GAP43: variants seen among roughly 807,000 people sequenced by gnomAD.
GAP43 encodes the protein neuromodulin.
A neutral mutation model predicts 18.6 loss-of-function variants in GAP43; 6 were observed. The observed-to-expected ratio is 0.32, with a 90% confidence interval of 0.18 to 0.64. GAP43 has a LOEUF of 0.64. Ranked by LOEUF, GAP43 falls within the 30% of genes least tolerant of loss-of-function variation. GAP43 has a pLI of 0.78. For synonymous variants in GAP43, 115 were observed against 111.4 expected (o/e 1.03, Z -0.20); for missense variants, 292 against 295.5 (o/e 0.99, Z 0.09).
At chr3:115,709,042 T>A (rs947930849) in intron 2 of GAP43, among the ~76,000 whole-genome samples, 7 of 149,360 alleles carry the variant, frequency 4.7e-5, no homozygotes, top group African/African-American at 1.7e-4. Context: ...CTGAAAAATC[T>A]TAAATGCTAG....
Position 115,694,971 on chromosome 3 carries a change from T to C in GAP43, c.628+18361T>C, listed in dbSNP as rs1709166160. 1.3e-5 allele frequency among the ~76,000 whole-genome samples: 2 copies of C among 152,326 alleles called. 1 individual carries two copies. The highest frequency in any genetic ancestry group is 4.1e-4 in the South Asian group (2 of 4,830). On this transcript the variant is annotated intron_variant, in intron 2 of 2. Coordinates refer to ENST00000305124, the MANE Select transcript of GAP43 (RefSeq NM_002045.4). ...TCATTATACAAATGCGACTTTTTAT[T>C]GTAGTGCAGAAGTGTTAGTTGATAA...
intron 1 of GAP43, among the ~76,000 whole-genome samples, chr3:115,669,289 T>C (rs2107485644): frequency 6.6e-6 from 1 of 152,350 alleles, no homozygotes; most frequent in Admixed American, 6.5e-5. Flanking sequence ...ATACCTGTTG[T>C]AGTTAGATGC....
intron 2 of GAP43, among the ~76,000 whole-genome samples, chr3:115,704,731 C>G (rs550753895): frequency 6.6e-6 from 1 of 152,216 alleles, no homozygotes; most frequent in East Asian, 1.9e-4. Flanking sequence ...GCAGATTTTA[C>G]TCATTCCCCA....
At chr3:115,633,702 T>A (rs1708293064) in intron 1 of GAP43, among the ~76,000 whole-genome samples, 1 of 152,178 alleles carries the variant, frequency 6.6e-6, no homozygotes, top group Admixed American at 6.5e-5. Context: ...TGACAGACAC[T>A]GGGTTTTCAC....
At chr3:115,705,436 T>C (rs1709347961) in intron 2 of GAP43, among the ~76,000 whole-genome samples, 1 of 152,200 alleles carries the variant, frequency 6.6e-6, no homozygotes, top group African/African-American at 2.4e-5. Flanking sequence ...GAATATTAAC[T>C]CATCATATAT....
intron 2 of GAP43, among the ~76,000 whole-genome samples, chr3:115,698,316 A>AATATATATATATATT (rs200763438): frequency 1.0e-5 from 1 of 95,242 alleles, no homozygotes; most frequent in Non-Finnish European, 1.9e-5. Flanking sequence ...AAATATATAT[A>AATATATATATATATT]ATATATATAT....
chr3:115,636,786 GT>G (rs1236971794), intron 1 of GAP43, among the ~76,000 whole-genome samples: 1 of 151,926 alleles, frequency 6.6e-6, no homozygotes, highest in Non-Finnish European at 1.5e-5. Flanking sequence ...TTATCTCCTA[GT>G]GGCTCTGGCA....
chr3:115,665,642 C>T (rs1246630563), intron 1 of GAP43, among the ~76,000 whole-genome samples: 5 of 152,174 alleles, frequency 3.3e-5, no homozygotes, highest in Non-Finnish European at 7.3e-5. Flanking sequence ...TAAATTCCTT[C>T]TCCCACCAAC....
At chr3:115,639,028 ATTAAAT>A (rs1453755894) in intron 1 of GAP43, among the ~76,000 whole-genome samples, 2 of 152,068 alleles carry the variant, frequency 1.3e-5, no homozygotes, top group Non-Finnish European at 2.9e-5. Context: ...ATGGTTTCTC[ATTAAAT>A]TTGAGTTGAA....
At chr3:115,627,042 C>CTTT (rs36058685) in intron 1 of GAP43, among the ~76,000 whole-genome samples, 1 of 129,238 alleles carries the variant, frequency 7.7e-6, no homozygotes, top group Admixed American at 7.9e-5. Flanking sequence ...GCTTCTCGTT[C>CTTT]TTTTTTTTTT....
At chr3:115,698,147 A>C (rs962547200) in intron 2 of GAP43, among the ~76,000 whole-genome samples, 285 of 9,708 alleles carry the variant, frequency 0.029, 8 homozygotes, top group Middle Eastern at 0.5. Flanking sequence ...TATAATATAT[A>C]TTATATATAA....
chr3:115,670,804 T>A (rs1430219357), intron 1 of GAP43, among the ~76,000 whole-genome samples: 1 of 152,208 alleles, frequency 6.6e-6, no homozygotes, highest in African/African-American at 2.4e-5. Flanking sequence ...GCATGAAAAC[T>A]ACAACATATT....
intron 2 of GAP43, among the ~76,000 whole-genome samples, chr3:115,679,365 T>TG (rs1708931453): frequency 6.6e-6 from 1 of 152,204 alleles, no homozygotes; most frequent in Non-Finnish European, 1.5e-5. Flanking sequence ...CTGTTTGTTA[T>TG]GGGGGGATGT....
Position 115,716,510 on chromosome 3 carries a change from T to C in GAP43, c.629-4284T>C, listed in dbSNP as rs79756819. On this transcript the variant is annotated intron_variant, in intron 2 of 2. Transcript: ENST00000305124. ...TTAGTTTATCTCACTTTGGAAGCTG[T>C]AATAGATTGTTTCTTTACATTGTTT... Among the ~76,000 whole-genome samples, 643 of 151,768 alleles carry C rather than the reference T, an allele frequency of 4.2e-3. 11 individuals carry two copies. The highest frequency in any genetic ancestry group is 0.039 in the East Asian group (201 of 5,136).
intron 1 of GAP43, among the ~76,000 whole-genome samples, chr3:115,657,427 G>A (rs1378980990): frequency 6.6e-6 from 1 of 152,152 alleles, no homozygotes; most frequent in East Asian, 1.9e-4. Flanking sequence ...TGGGGAGATG[G>A]GGAGAAGACT....
chr3:115,631,375 C>G (rs1453739036), intron 1 of GAP43, among the ~76,000 whole-genome samples: 1 of 152,076 alleles, frequency 6.6e-6, no homozygotes, highest in Admixed American at 6.6e-5. Flanking sequence ...ATAAAAAGAA[C>G]CTCCAAATCC....
chr3:115,720,040 A>G (rs1480810126), intron 2 of GAP43, among the ~76,000 whole-genome samples: 1 of 152,220 alleles, frequency 6.6e-6, no homozygotes, highest in East Asian at 1.9e-4. Flanking sequence ...GCTTGGCTGC[A>G]AGAAACTGAA....
intron 1 of GAP43, among the ~76,000 whole-genome samples, chr3:115,624,735 G>A (rs777431152): frequency 1.3e-5 from 2 of 152,130 alleles, no homozygotes; most frequent in Non-Finnish European, 2.9e-5. Context: ...GAGTGGGAAG[G>A]AATGACGAGT....
intron 1 of GAP43, among the ~76,000 whole-genome samples, chr3:115,665,989 AGTGTGTGTGTGTGT>A (rs34314907): frequency 1.3e-4 from 8 of 61,672 alleles, no homozygotes; most frequent in South Asian, 9.8e-4. Flanking sequence ...TGGCTAAATG[AGTGTGTGTGTGTGT>A]GTGTGTGTGT....
Sources: gnomAD v4.1 joint callset for allele counts (sites outside exome capture counted in the v4.1 genomes callset) on GRCh38, gnomAD v4.1.1 for gene constraint, MANE v1.5 for transcripts, NCBI Gene and HGNC (gene_info 2026-07-23, HGNC 2026-07-21) for gene names.